ALG6: variants seen among roughly 807,000 people sequenced by gnomAD.
ALG6 encodes the protein ALG6 alpha-1,3-glucosyltransferase.
ALG6 carries 46 observed loss-of-function variants against 66.6 expected under a neutral mutation model. That is an observed-to-expected ratio of 0.69 (90% CI 0.55 to 0.88). The LOEUF is 0.88. Among genes scored for constraint, ALG6 ranks in the 40% least tolerant of loss-of-function variants. The pLI, the probability that ALG6 is intolerant of heterozygous loss-of-function variation, is 0.00. For synonymous variants in ALG6, 185 were observed against 203.7 expected (o/e 0.91, Z 0.78); for missense variants, 505 against 586.8 (o/e 0.86, Z 1.44).
chr1:63,415,749 T>C (rs1644542964), intron 10 of ALG6, 124 bp from the exon 11 acceptor site: 3 of 584,822 alleles, frequency 5.1e-6, no homozygotes, highest in Non-Finnish European at 8.9e-6. Flanking sequence ...AATAAAAATA[T>C]AGTTTGAAAT....
intron 5 of ALG6, among the ~76,000 whole-genome samples, chr1:63,405,723 A>G (rs1644486623): frequency 6.6e-6 from 1 of 152,102 alleles, no homozygotes; most frequent in Non-Finnish European, 1.5e-5. Flanking sequence ...GAGATATAAG[A>G]AAAAAATAAG....
chr1:63,370,221 C>G (rs374443861), intron 1 of ALG6, among the ~76,000 whole-genome samples: 1 of 150,222 alleles, frequency 6.7e-6, no homozygotes, highest in African/African-American at 2.4e-5. Flanking sequence ...TTTTTTCTCA[C>G]GATTTGGGAT....
At chr1:63,414,894 C>T (rs533127826) in intron 10 of ALG6, among the ~76,000 whole-genome samples, 19 of 152,264 alleles carry the variant, frequency 1.2e-4, no homozygotes, top group African/African-American at 4.3e-4. Context: ...GAAGGAAGAG[C>T]AATTCAGACC....
chr1:63,373,166 C>T (rs1306307923), intron 2 of ALG6, among the ~76,000 whole-genome samples: 2 of 151,834 alleles, frequency 1.3e-5, no homozygotes, highest in Non-Finnish European at 2.9e-5. Flanking sequence ...ACCACGACGC[C>T]TGGCTAATTT....
At chr1:63,406,762 C>T (rs1199318182) in intron 6 of ALG6, among the ~76,000 whole-genome samples, 1 of 151,966 alleles carries the variant, frequency 6.6e-6, no homozygotes, top group Non-Finnish European at 1.5e-5. Flanking sequence ...TATTTTTGGT[C>T]ATTTTAGATA....
At chr1:63,379,719 A>G (rs74079846) in intron 2 of ALG6, among the ~76,000 whole-genome samples, 174 of 150,386 alleles carry the variant, frequency 1.2e-3, no homozygotes, top group African/African-American at 4.2e-3. Context: ...TAAAAGTAGG[A>G]TACGTAATAC....
intron 2 of ALG6, among the ~76,000 whole-genome samples, chr1:63,391,610 G>T (rs1180324616): frequency 6.6e-6 from 1 of 152,116 alleles, no homozygotes; most frequent in Non-Finnish European, 1.5e-5. Context: ...AATATGCCAA[G>T]GTGCCAGATT....
At position 63,420,778 on chromosome 1, in the gene ALG6, T is replaced by G. The variant is rs528999926; in HGVS notation, c.1058+1338T>G. 3.6e-4 allele frequency among the ~76,000 whole-genome samples: 54 copies of G among 151,806 alleles called. No individual in the cohort carries two copies. The East Asian group carries it at 9.5e-3, about 27-fold the overall frequency. ...TGGGAGGCTGAGGCAGGAGAATTGC[T>G]TGAACCCAGGAGGTGGAGGTTGCAG... On this transcript the variant is annotated intron_variant, in intron 12 of 14. Transcript: ENST00000263440.
intron 2 of ALG6, among the ~76,000 whole-genome samples, chr1:63,373,544 A>G (rs1648006180): frequency 6.6e-6 from 1 of 151,538 alleles, no homozygotes; most frequent in Non-Finnish European, 1.5e-5. Context: ...GCAGTGAGCC[A>G]AGATCATCCC....
intron 10 of ALG6, among the ~76,000 whole-genome samples, 196 bp downstream of exon 10, chr1:63,414,342 C>T (rs1254328776): frequency 6.6e-6 from 1 of 151,532 alleles, no homozygotes; most frequent in Non-Finnish European, 1.5e-5. Context: ...GTCTCTGTCT[C>T]CTGGGTTCAA....
At position 63,370,755 on chromosome 1, in the gene ALG6, T is replaced by C; in HGVS notation, c.-207-16T>C. 1 of 558,588 alleles carries C rather than the reference T, an allele frequency of 1.8e-6. No homozygotes were observed. Among genetic ancestry groups the C allele is most frequent in the East Asian group, 3.1e-5 (1 of 31,992 alleles). 34.6% of individuals were successfully genotyped at this position (558,588 alleles called of 1,614,324 possible). ...TGTACTCAGCTGAATCTTGATATCT[T>C]TTTTTTTCCCCTTAGGATACTTCTA... On this transcript the variant is annotated splice_polypyrimidine_tract_variant and intron_variant, in intron 1 of 14. Coordinates refer to ENST00000263440, the MANE Select transcript of ALG6 (RefSeq NM_013339.4).
Position 63,422,438 on chromosome 1 carries a change from T to A in ALG6, c.1058+2998T>A, listed in dbSNP as rs182275566. ...AAATATATATATAAATATAAATATA[T>A]ATATAAATATATATATAAATATAAA... On this transcript the variant is annotated intron_variant, in intron 12 of 14. Coordinates refer to ENST00000263440, the MANE Select transcript of ALG6 (RefSeq NM_013339.4). Among the ~76,000 whole-genome samples the A allele has an allele frequency of 1.3e-3, 32 of 24,090 alleles. 3 individuals carry two copies. The highest frequency in any genetic ancestry group is 0.033 in the Middle Eastern group (1 of 30). The allele number at this position is 24,090 out of a possible 152,430, so 15.8% of individuals were successfully genotyped here. A position where few individuals can be genotyped will look rare whatever the true frequency, so the allele number is the denominator to read the frequency against.
In ALG6 at chr1:63,419,375, C is replaced by T; in HGVS notation, c.993C>T (p.Ser331=). ...CCCCCCCTTTTTTCTTAAAGGTTAG[C>T]TGTGCGCTATCATTCTTTTTATTTT... ...SSKGFKFTLV[S]CALSFFLFSF... is the part of the protein sequence containing the mutation. Residue 331 remains serine, a synonymous_variant, in exon 12 of 15, where the codon AGC becomes AGT. Transcript: ENST00000263440. The T allele has an allele frequency of 1.2e-6, 2 of 1,609,444 alleles. No individual in the cohort carries two copies. The highest frequency in any genetic ancestry group is 1.7e-4 in the Middle Eastern group (1 of 6,046).
chr1:63,393,935 C>T (rs996305720), intron 2 of ALG6, among the ~76,000 whole-genome samples: 3 of 152,158 alleles, frequency 2.0e-5, no homozygotes, highest in South Asian at 4.1e-4. Context: ...GATAGAGAGA[C>T]AGAGACCCAC....
In ALG6 at chr1:63,408,940, C is replaced by T. The variant is rs976933327; in HGVS notation, c.494+1814C>T. Among the ~76,000 whole-genome samples, 3 of 152,100 alleles carry T rather than the reference C, an allele frequency of 2.0e-5. 1 individual carries two copies. Among genetic ancestry groups the T allele is most frequent in the Non-Finnish European group, 4.4e-5 (3 of 68,016 alleles). The stretch of plus-strand genomic sequence containing the variant: ...GATTATAGGCATGTGCCACCACACC[C>T]TGTTAATTTTTGTATTTTTAGTAGA... On this transcript the variant is annotated intron_variant, in intron 7 of 14. Coordinates refer to ENST00000263440, the MANE Select transcript of ALG6 (RefSeq NM_013339.4).
At chr1:63,396,478 C>T (rs1367890846) in intron 2 of ALG6, 35 bp from the exon 3 acceptor site, 3 of 1,537,962 alleles carry the variant, frequency 2.0e-6, no homozygotes, top group Non-Finnish European at 2.7e-6. Context: ...TGCTAAAGTA[C>T]ATTGTTGTTT....
intron 2 of ALG6, 164 bp downstream of exon 2, chr1:63,371,223 A>G: frequency 1.6e-6 from 1 of 613,700 alleles, no homozygotes. Context: ...TAGAAAGAAT[A>G]TGGATAACAG....
chr1:63,421,956 C>T (rs994367598), intron 12 of ALG6, among the ~76,000 whole-genome samples: 2 of 148,504 alleles, frequency 1.3e-5, no homozygotes, highest in Admixed American at 6.9e-5. Flanking sequence ...CACCATGGCA[C>T]GTGTATACCT....
chr1:63,378,527 T>G (rs1430876648), intron 2 of ALG6, among the ~76,000 whole-genome samples: 1 of 152,214 alleles, frequency 6.6e-6, no homozygotes, highest in African/African-American at 2.4e-5. Context: ...TTTAGAACTC[T>G]GATTAGATAT....
Sources: gnomAD v4.1 joint callset for allele counts (sites outside exome capture counted in the v4.1 genomes callset) on GRCh38, gnomAD v4.1.1 for gene constraint, MANE v1.5 for transcripts, NCBI Gene and HGNC (gene_info 2026-07-23, HGNC 2026-07-21) for gene names.